The following MPO variants were observed in gnomAD, a reference collection of about 807,000 sequenced individuals.
MPO encodes the protein myeloperoxidase.
MPO carries 57 observed loss-of-function variants against 69.4 expected under a neutral mutation model. That is an observed-to-expected ratio of 0.82 (90% CI 0.66 to 1.02). The LOEUF is 1.02. Among genes scored for constraint, MPO ranks in the 50% least tolerant of loss-of-function variants. The probability of loss-of-function intolerance (pLI) is 0.00; values close to 1 mark genes in which losing one functional copy is unlikely to be tolerated. For synonymous variants in MPO, 426 were observed against 417.1 expected (o/e 1.02, Z -0.26); for missense variants, 971 against 1,014.1 (o/e 0.96, Z 0.58).
In MPO at chr17:58,270,959, A is replaced by T. The variant is rs34685535; in HGVS notation, c.2031-96T>A. 4.9e-5 allele frequency: 68 copies of T among 1,392,666 alleles called. No individual in the cohort carries two copies. In the African/African-American group the frequency reaches 7.8e-4, roughly 16 times the overall value. 86.3% of individuals were successfully genotyped at this position (1,392,666 alleles called of 1,614,324 possible). A position where few individuals can be genotyped will look rare whatever the true frequency, so the allele number is the denominator to read the frequency against. ...GCTGCTCCCAGGATATAACAAAGCC[A>T]CAACAAATGCCACCTGGAAGCACAG... On this transcript the variant is annotated intron_variant, in intron 11 of 11. Transcript: ENST00000225275. This position sits in a 1 kb window ranked among gnomAD's most constrained non-coding sequence, Gnocchi z 4.1.
chr17:58,274,864 T>C (rs1281320820), intron 8 of MPO, among the ~76,000 whole-genome samples: 1 of 151,432 alleles, frequency 6.6e-6, no homozygotes, highest in Non-Finnish European at 1.5e-5. Context: ...AAATTTTATT[T>C]TATTTATTTA....
Position 58,280,366 on chromosome 17 carries a change from C to CT in MPO, c.247dup (p.Ser83LysfsTer35). On this transcript the variant is annotated frameshift_variant and splice_region_variant, in exon 2 of 12. Transcript: ENST00000225275. LOFTEE classifies it high-confidence loss of function. ...AGCTGGGCAGTGCCTCGTGCCCCAC[C>CT]TTTCCCGCCGCTCCTTGTAGGCCTT... The CT allele has an allele frequency of 6.2e-7, 1 of 1,613,906 alleles. No individual in the cohort carries two copies. The highest frequency in any genetic ancestry group is 8.5e-7 in the Non-Finnish European group (1 of 1,179,872).
intron 10 of MPO, among the ~76,000 whole-genome samples, chr17:58,272,519 C>T (rs538670608): frequency 3.9e-5 from 6 of 152,266 alleles, no homozygotes; most frequent in East Asian, 1.9e-4. Flanking sequence ...ATGACGATGC[C>T]CCTAATATGA....
Position 58,277,960 on chromosome 17 carries a change from G to A in MPO, c.1071C>T (p.Ser357=), listed in dbSNP as rs753687148. ...TGACGGCCAGCAGCCCCAGCTGGTT[G>A]GACATGTTGCGCAGGTTCCTGGCCA... ...EPLARNLRNM[S]NQLGLLAVNQ... is the part of the protein sequence containing the mutation. Residue 357 remains serine (S), a synonymous_variant, in exon 7 of 12, where the codon TCC becomes TCT. Transcript: ENST00000225275. 1.2e-6 allele frequency: 2 copies of A among 1,613,608 alleles called. No individual in the cohort carries two copies. The highest frequency in any genetic ancestry group is 3.3e-5 in the Admixed American group (2 of 60,036).
In MPO at chr17:58,273,480, T is replaced by C. The variant is rs763911422; in HGVS notation, c.1555A>G (p.Met519Val). 9.3e-6 allele frequency: 15 copies of C among 1,610,486 alleles called. No homozygotes were observed. The highest frequency in any genetic ancestry group is 5.3e-5 in the African/African-American group (4 of 74,884). Residue 519 changes from methionine (M) to valine (V), a missense_variant, in exon 9 of 12, where the codon ATG (methionine) becomes GTG (valine). Coordinates refer to ENST00000225275, the MANE Select transcript of MPO (RefSeq NM_000250.2). The part of the protein sequence containing the change: ...MFRLDNRYQP[M>V]EPNPRVPLSR... ...AGGGGGACACGGGGGTTGGGTTCCA[T>C]GGGCTGGTACCGATTGTCCAGGCGG...
chr17:58,277,715 G>A lies in MPO; in HGVS notation c.1204+112C>T, dbSNP rs1023355516. 6.2e-6 allele frequency: 9 copies of A among 1,440,798 alleles called. No homozygotes were observed. The African/African-American group carries it at 9.8e-5, about 16-fold the overall frequency. The allele number at this position is 1,440,798 out of a possible 1,614,324, so 89.3% of individuals were successfully genotyped here. A position where few individuals can be genotyped will look rare whatever the true frequency, so the allele number is the denominator to read the frequency against. ...ATCATGAAGTTGATAGTAATGGCTG[G>A]TGAGGACAGTCTCTCTAAGTACAAA... On this transcript the variant is annotated intron_variant, in intron 7 of 11. Transcript: ENST00000225275.
intron 9 of MPO, 84 bp downstream of exon 9, chr17:58,273,330 C>A: frequency 6.2e-7 from 1 of 1,601,610 alleles, no homozygotes; most frequent in Non-Finnish European, 8.5e-7. Context: ...AGACTGCTCC[C>A]CACCCTAGCT....
At chr17:58,277,481 G>A (rs1037426991) in intron 7 of MPO, among the ~76,000 whole-genome samples, 3 of 152,196 alleles carry the variant, frequency 2.0e-5, no homozygotes, top group Non-Finnish European at 4.4e-5. Context: ...GCACCACAGC[G>A]TTCTCTGTCC....
Position 58,280,029 on chromosome 17 carries a change from G to A in MPO, c.249-15C>T, listed in dbSNP as rs1422968935. Reference sequence around the variant, plus strand: ...GCTGCTTGATGCTGCTTGGAGAAAGGAGGAGTGAGGGCCAGAGAAGGGATA... The same window carrying A: ...GCTGCTTGATGCTGCTTGGAGAAAGAAGGAGTGAGGGCCAGAGAAGGGATA... On this transcript the variant is annotated splice_polypyrimidine_tract_variant and intron_variant, in intron 2 of 11. Transcript: ENST00000225275. 2 of 1,611,630 alleles carry A rather than the reference G, an allele frequency of 1.2e-6. No individual in the cohort carries two copies. The highest frequency in any genetic ancestry group is 3.3e-5 in the Admixed American group (2 of 60,020).
Position 58,273,534 on chromosome 17 carries a change from C to T in MPO, c.1501G>A (p.Gly501Ser), listed in dbSNP as rs119469013. 15 of 1,614,072 alleles carry T rather than the reference C, an allele frequency of 9.3e-6. No homozygotes were observed. Among genetic ancestry groups the T allele is most frequent in the Admixed American group, 3.3e-5 (2 of 60,010 alleles). The change falls in exon 9 of 12, where the codon GGC becomes AGC. Residue 501 changes from glycine (G) to serine (S), a missense_variant. By Grantham distance (56) the Gly-to-Ser change is moderately conservative (BLOSUM62 0). Coordinates refer to ENST00000225275, the MANE Select transcript of MPO (RefSeq NM_000250.2). ...ATGAAGGGTTGGATGAGGGTGTGGC[C>T]GTAGCGGAAGGCATTGGTGAAGACG... ...ANVFTNAFRY[G>S]HTLIQPFMFR...
At chr17:58,271,267 C>T (rs1446531450) in intron 11 of MPO, among the ~76,000 whole-genome samples, 2 of 152,056 alleles carry the variant, frequency 1.3e-5, no homozygotes, top group Non-Finnish European at 2.9e-5. Flanking sequence ...AGGTGCAGTA[C>T]AGGCTAAGCA....
At chr17:58,280,292 T>C (rs2143983146) in intron 2 of MPO, 74 bp downstream of exon 2, 1 of 1,490,574 alleles carries the variant, frequency 6.7e-7, no homozygotes, top group South Asian at 1.1e-5. Flanking sequence ...ACCTTCAAGC[T>C]CCCTGCTGCC....
Position 58,273,452 on chromosome 17 carries a change from C to G in MPO, c.1583G>C (p.Ser528Thr). 1 of 1,614,206 alleles carries G rather than the reference C, an allele frequency of 6.2e-7. No homozygotes were observed. Among genetic ancestry groups the G allele is most frequent in the Non-Finnish European group, 8.5e-7 (1 of 1,180,046 alleles). ...CCTCCAGGAGGCAAAAAAGACCCTG[C>G]TGAGGGGGACACGGGGGTTGGGTTC... ...PMEPNPRVPL[S>T]RVFFASWRVV... The change falls in exon 9 of 12, where the codon AGC becomes ACC. Residue 528 changes from serine to threonine, a missense_variant. By Grantham distance (58) the Ser-to-Thr change is moderately conservative. Coordinates refer to ENST00000225275, the MANE Select transcript of MPO (RefSeq NM_000250.2).
At chr17:58,272,660 G>C in intron 10 of MPO, 88 bp downstream of exon 10, 1 of 1,478,556 alleles carries the variant, frequency 6.8e-7, no homozygotes, top group Non-Finnish European at 9.2e-7. Flanking sequence ...AGAGGGCAGG[G>C]ACCCTAGAGT....
intron 7 of MPO, 99 bp downstream of exon 7, chr17:58,277,728 C>T: frequency 2.0e-6 from 3 of 1,532,750 alleles, no homozygotes; most frequent in Non-Finnish European, 2.7e-6. Flanking sequence ...AGGACAGTCT[C>T]TCTAAGTACA....
At chr17:58,273,230 C>T (rs1970389097) in intron 9 of MPO, among the ~76,000 whole-genome samples, 184 bp downstream of exon 9, 1 of 152,188 alleles carries the variant, frequency 6.6e-6, no homozygotes, top group African/African-American at 2.4e-5. Context: ...AGGGCCATCC[C>T]CACCCCACTG....
intron 10 of MPO, 75 bp from the exon 11 acceptor site, chr17:58,271,967 G>A (rs889791897): frequency 6.7e-7 from 1 of 1,494,968 alleles, no homozygotes; most frequent in African/African-American, 1.4e-5. Flanking sequence ...GGAGACAGCA[G>A]GGAAGATTCA....
Position 58,275,709 on chromosome 17 carries a change from G to A in MPO, c.1205-7C>T, listed in dbSNP as rs753115537. On this transcript the variant is annotated splice_region_variant and splice_polypyrimidine_tract_variant and intron_variant, in intron 7 of 11. Transcript: ENST00000225275. The surrounding 1 kb of genome is among the most constrained non-coding windows in gnomAD (Gnocchi z 4.1). Reference sequence around the variant, plus strand: ...TCACTGGAACGGGTGTCCCCTTGGGGAGGCAAAAGCCACTGTCATTCTTAA... The same window carrying A: ...TCACTGGAACGGGTGTCCCCTTGGGAAGGCAAAAGCCACTGTCATTCTTAA... 6.2e-7 allele frequency: 1 copy of A among 1,614,146 alleles called. No individual in the cohort carries two copies. The highest frequency in any genetic ancestry group is 8.5e-7 in the Non-Finnish European group (1 of 1,180,024).
intron 3 of MPO, 24 bp downstream of exon 3, chr17:58,279,815 C>G: frequency 6.2e-7 from 1 of 1,613,988 alleles, no homozygotes; most frequent in Non-Finnish European, 8.5e-7. Context: ...GAGCAGGGAC[C>G]TGGGGTGTGA....
Sources: allele counts gnomAD v4.1 joint callset (sites outside exome capture counted in the v4.1 genomes callset), GRCh38; gene constraint gnomAD v4.1.1; non-coding constraint Gnocchi (gnomAD v3.1); transcripts MANE v1.5; gene names NCBI Gene and HGNC (gene_info 2026-07-23, HGNC 2026-07-21).